The following HHAT variants were observed in gnomAD, a reference collection of about 807,000 sequenced individuals.
The protein encoded by HHAT is hedgehog acyltransferase, also known as protein-cysteine N-palmitoyltransferase HHAT.
HHAT carries 47 observed loss-of-function variants against 70.8 expected under a neutral mutation model. That is an observed-to-expected ratio of 0.66 (90% confidence interval 0.53 to 0.85). The LOEUF is 0.85. Among genes scored for constraint, HHAT ranks in the 40% least tolerant of loss-of-function variants. The probability of loss-of-function intolerance (pLI) is 0.00; values close to 1 mark genes in which losing one functional copy is unlikely to be tolerated. For synonymous variants in HHAT, 228 were observed against 247.6 expected (o/e 0.92, Z 0.74); for missense variants, 609 against 604.8 (o/e 1.01, Z -0.07).
At chr1:210,446,118 T>G (rs891589320) in intron 7 of HHAT, among the ~76,000 whole-genome samples, 1 of 152,064 alleles carries the variant, frequency 6.6e-6, no homozygotes. Flanking sequence ...CTGTGGGAGA[T>G]TCTCTTGTCG....
chr1:210,425,468 G>C (rs2093034646), intron 7 of HHAT, among the ~76,000 whole-genome samples: 1 of 152,098 alleles, frequency 6.6e-6, no homozygotes, highest in African/African-American at 2.4e-5. Context: ...GATTTTTATA[G>C]TTTTGGGTTT....
intron 1 of HHAT, among the ~76,000 whole-genome samples, chr1:210,337,442 TA>T (rs754769117): frequency 6.6e-6 from 1 of 152,198 alleles, no homozygotes; most frequent in Non-Finnish European, 1.5e-5. Context: ...TTTATTACCT[TA>T]TGGTTCTGGA....
chr1:210,542,457 G>A (rs2095439751), intron 9 of HHAT, among the ~76,000 whole-genome samples: 2 of 151,320 alleles, frequency 1.3e-5, no homozygotes, highest in African/African-American at 4.9e-5. Flanking sequence ...AGTAAAATTT[G>A]GACAGTTTTT....
chr1:210,661,339 A>C (rs1194042928), intron 11 of HHAT, among the ~76,000 whole-genome samples: 1 of 152,222 alleles, frequency 6.6e-6, no homozygotes, highest in Non-Finnish European at 1.5e-5. Context: ...TGCAAATCAA[A>C]ACCACAATGA....
chr1:210,652,163 G>T (rs1445823655), intron 11 of HHAT, among the ~76,000 whole-genome samples: 1 of 152,308 alleles, frequency 6.6e-6, no homozygotes, highest in African/African-American at 2.4e-5. Context: ...TGGGATGATA[G>T]ATGGAATAGA....
chr1:210,600,132 A>G (rs941106903), intron 10 of HHAT, among the ~76,000 whole-genome samples: 1 of 152,122 alleles, frequency 6.6e-6, no homozygotes, highest in Non-Finnish European at 1.5e-5. Context: ...GGTACCTTGT[A>G]TATGTTCTCT....
chr1:210,631,424 G>T (rs985858737), intron 11 of HHAT, among the ~76,000 whole-genome samples: 3 of 152,190 alleles, frequency 2.0e-5, no homozygotes, highest in African/African-American at 7.2e-5. Flanking sequence ...TTGCTAGCTG[G>T]ATTGGCACTG....
chr1:210,479,344 G>A (rs556011858), intron 8 of HHAT, among the ~76,000 whole-genome samples: 1 of 152,288 alleles, frequency 6.6e-6, no homozygotes, highest in East Asian at 1.9e-4. Flanking sequence ...GAATAGAGGA[G>A]TCCCTGCCCT....
At chr1:210,585,917 G>A (rs1660336375) in intron 9 of HHAT, among the ~76,000 whole-genome samples, 1 of 152,160 alleles carries the variant, frequency 6.6e-6, no homozygotes, top group African/African-American at 2.4e-5. Flanking sequence ...TTGGCCAGAT[G>A]ATGGAGCATG....
chr1:210,606,885 A>G (rs1002576193), intron 10 of HHAT, among the ~76,000 whole-genome samples: 10 of 152,268 alleles, frequency 6.6e-5, no homozygotes, highest in African/African-American at 2.4e-4. Context: ...GAGAAATGCC[A>G]TTTTCATTAT....
At chr1:210,483,615 T>TAAAC (rs1572751574) in intron 8 of HHAT, among the ~76,000 whole-genome samples, 1 of 14,088 alleles carries the variant, frequency 7.1e-5, no homozygotes. Flanking sequence ...AGCTATCATC[T>TAAAC]AAATAAAGCC....
At chr1:210,331,053 C>T (rs972476136) in intron 1 of HHAT, among the ~76,000 whole-genome samples, 2 of 152,064 alleles carry the variant, frequency 1.3e-5, no homozygotes, top group Non-Finnish European at 2.9e-5. Flanking sequence ...AGCTCGAACT[C>T]CTGAGCTCAA....
chr1:210,541,087 T>C (rs1381278185), intron 9 of HHAT, among the ~76,000 whole-genome samples: 1 of 152,174 alleles, frequency 6.6e-6, no homozygotes, highest in African/African-American at 2.4e-5. Context: ...GCAATACGCC[T>C]GCCTCGGCCT....
At chr1:210,416,309 C>G (rs2092720242) in intron 6 of HHAT, among the ~76,000 whole-genome samples, 1 of 152,122 alleles carries the variant, frequency 6.6e-6, no homozygotes, top group African/African-American at 2.4e-5. Flanking sequence ...CCCTGATAGT[C>G]AGATGCTAAA....
At chr1:210,525,344 G>A (rs2095229627) in intron 9 of HHAT, among the ~76,000 whole-genome samples, 1 of 152,070 alleles carries the variant, frequency 6.6e-6, no homozygotes, top group South Asian at 2.1e-4. Context: ...TCCCCTTCCA[G>A]GCTTTCCCCA....
At chr1:210,406,061 C>T (rs1056983117) in intron 6 of HHAT, among the ~76,000 whole-genome samples, 2 of 152,062 alleles carry the variant, frequency 1.3e-5, no homozygotes, top group African/African-American at 4.8e-5. Context: ...GGATAAAGCC[C>T]AGGAAGGTGG....
intron 9 of HHAT, among the ~76,000 whole-genome samples, chr1:210,541,603 T>G (rs1357800219): frequency 6.6e-6 from 1 of 152,182 alleles, no homozygotes; most frequent in East Asian, 1.9e-4. Flanking sequence ...GGCGCGTGCC[T>G]GTAATCCCAG....
intron 8 of HHAT, among the ~76,000 whole-genome samples, chr1:210,465,322 C>T (rs1048291077): frequency 6.6e-6 from 1 of 152,040 alleles, no homozygotes; most frequent in Non-Finnish European, 1.5e-5. Context: ...GTCTCTTTTC[C>T]TTAGTCCCCC....
chr1:210,496,278 G>A (rs1483423663), intron 8 of HHAT, among the ~76,000 whole-genome samples: 2 of 152,100 alleles, frequency 1.3e-5, no homozygotes, highest in Non-Finnish European at 2.9e-5. Flanking sequence ...GGAGGCCTCA[G>A]CGTCTCACCA....
Sources: gnomAD v4.1 joint callset for allele counts (sites outside exome capture counted in the v4.1 genomes callset) on GRCh38, gnomAD v4.1.1 for gene constraint, MANE v1.5 for transcripts, NCBI Gene and HGNC (gene_info 2026-07-23, HGNC 2026-07-21) for gene names.